Variants in STOX2 observed in about 807,000 individuals in gnomAD.
STOX2 encodes storkhead box 2.
In STOX2, 28 loss-of-function variants were observed where a neutral mutation model predicts 60.9. The observed-to-expected ratio is 0.46, with a 90% CI of 0.34 to 0.63. The LOEUF is 0.63. STOX2 is among the 30% of genes least tolerant of loss of function. The pLI is 0.01. For synonymous variants in STOX2, 472 were observed against 463.9 expected (o/e 1.02, Z -0.22); for missense variants, 1,024 against 1,187.7 (o/e 0.86, Z 2.03).
Position 183,939,997 on chromosome 4 carries a change from G to C in STOX2, c.166+33041G>C, listed in dbSNP as rs182205756. ...CAGCTCACTGCAGCCTCCGCCTCCC[G>C]GGTTCAAGTGATTCTTCTGCCTCAG... is the stretch of plus-strand genomic sequence containing the variant. On this transcript the variant is annotated intron_variant, in intron 1 of 3. Coordinates refer to ENST00000308497, the MANE Select transcript of STOX2 (RefSeq NM_020225.3). Among the ~76,000 whole-genome samples the C allele has an allele frequency of 2.0e-3, 310 of 152,262 alleles. 1 individual carries two copies. Among genetic ancestry groups the C allele is most frequent in the African/African-American group, 7.0e-3 (290 of 41,552 alleles).
intron 1 of STOX2, among the ~76,000 whole-genome samples, chr4:183,958,755 T>A (rs1743330377): frequency 6.6e-6 from 1 of 152,212 alleles, no homozygotes. Context: ...GCTCATGATG[T>A]CTGCCTCGGT....
intron 3 of STOX2, 49 bp from the exon 4 acceptor site, chr4:184,017,040 A>C: frequency 6.8e-7 from 1 of 1,468,284 alleles, no homozygotes; most frequent in Non-Finnish European, 9.1e-7. Context: ...TCAATTTATA[A>C]TTATTTATGT....
chr4:183,925,539 A>G (rs1742216808), intron 1 of STOX2, among the ~76,000 whole-genome samples: 1 of 152,172 alleles, frequency 6.6e-6, no homozygotes, highest in Admixed American at 6.5e-5. Context: ...GGAGTCTATT[A>G]TCATGAAGAA....
At chr4:183,937,519 C>T (rs906767072) in intron 1 of STOX2, among the ~76,000 whole-genome samples, 1 of 152,136 alleles carries the variant, frequency 6.6e-6, no homozygotes, top group Non-Finnish European at 1.5e-5. Context: ...GTGGGGTCGG[C>T]AGACAGGTCC....
chr4:183,931,252 C>T (rs1046102548), intron 1 of STOX2, among the ~76,000 whole-genome samples: 2 of 152,220 alleles, frequency 1.3e-5, no homozygotes, highest in Non-Finnish European at 1.5e-5. Context: ...GGTGAAACCC[C>T]GTCTTTACTA....
At chr4:183,819,194 G>A (rs867934079) in intron 1 of STOX2, among the ~76,000 whole-genome samples, 14 of 152,164 alleles carry the variant, frequency 9.2e-5, no homozygotes, top group African/African-American at 2.9e-4. Flanking sequence ...CAAGGCAGGG[G>A]GCTGGGAGGT....
intron 1 of STOX2, among the ~76,000 whole-genome samples, chr4:183,858,494 C>T (rs1024094906): frequency 3.3e-5 from 5 of 152,058 alleles, no homozygotes; most frequent in South Asian, 2.1e-4. Flanking sequence ...TGCACTGTTT[C>T]GTATTTATAG....
intron 1 of STOX2, among the ~76,000 whole-genome samples, chr4:183,949,148 C>T (rs1256675075): frequency 1.3e-5 from 2 of 151,916 alleles, no homozygotes; most frequent in African/African-American, 2.4e-5. Context: ...AAGCAGTGTT[C>T]ACAACCACTA....
rs371538115 is a variant in STOX2 at position 184,010,926 on chromosome 4, G to T, written c.2088G>T (p.Glu696Asp). The T allele has an allele frequency of 1.2e-6, 2 of 1,613,464 alleles. No individual in the cohort carries two copies. The highest frequency in any genetic ancestry group is 2.2e-5 in the South Asian group (2 of 90,976). ...AEPSSLDKRKEIFSKDTLFKP... is the reference protein window; with the variant it reads ...AEPSSLDKRKDIFSKDTLFKP... Reference sequence around the variant, plus strand: ...CCAGCAGCTTGGACAAGAGGAAAGAGATATTTAGCAAAGACACACTGTTCA... The same window carrying T: ...CCAGCAGCTTGGACAAGAGGAAAGATATATTTAGCAAAGACACACTGTTCA... The change falls in exon 3 of 4, where the codon GAG becomes GAT. Residue 696 changes from glutamate to aspartate, a missense_variant. Glu to Asp is a conservative substitution (Grantham distance 45). This residue lies in a region of STOX2 where 922 missense variants were observed against 1,058.3 expected (regional missense o/e 0.87). Transcript: ENST00000308497. The surrounding 1 kb of genome is among the most constrained non-coding windows in gnomAD (Gnocchi z 4.5).
At chr4:183,830,388 T>A (rs1739538652) in intron 1 of STOX2, among the ~76,000 whole-genome samples, 1 of 152,194 alleles carries the variant, frequency 6.6e-6, no homozygotes, top group Non-Finnish European at 1.5e-5. Context: ...ACTATGGGTG[T>A]TATCTTGTTT....
intron 1 of STOX2, among the ~76,000 whole-genome samples, chr4:183,995,582 G>A (rs1733305310): frequency 6.6e-6 from 1 of 152,154 alleles, no homozygotes; most frequent in Non-Finnish European, 1.5e-5. Flanking sequence ...CCAAGAGCAG[G>A]TTGGCGTCTG....
chr4:184,012,318 G>A (rs918107063), intron 3 of STOX2, among the ~76,000 whole-genome samples: 3 of 152,188 alleles, frequency 2.0e-5, no homozygotes, highest in Admixed American at 1.3e-4. Flanking sequence ...CCAGATTGGT[G>A]ACTCTGAGAT....
At chr4:183,984,834 T>C (rs552121930) in intron 1 of STOX2, among the ~76,000 whole-genome samples, 14 of 152,208 alleles carry the variant, frequency 9.2e-5, no homozygotes, top group Non-Finnish European at 1.8e-4. Context: ...GAAGCTGTTA[T>C]CCAAAGATGT....
chr4:183,954,375 G>A (rs983092459), intron 1 of STOX2, among the ~76,000 whole-genome samples: 3 of 151,902 alleles, frequency 2.0e-5, no homozygotes, highest in South Asian at 2.1e-4. Context: ...TGCAACCTCC[G>A]CTTCCCAGGT....
intron 1 of STOX2, among the ~76,000 whole-genome samples, chr4:183,955,110 G>T (rs1743210417): frequency 6.6e-6 from 1 of 152,138 alleles, no homozygotes; most frequent in South Asian, 2.1e-4. Flanking sequence ...CTTTATCTTG[G>T]TTTATTACTT....
intron 1 of STOX2, among the ~76,000 whole-genome samples, chr4:183,837,968 A>AT (rs2111127536): frequency 6.6e-6 from 1 of 152,110 alleles, no homozygotes; most frequent in African/African-American, 2.4e-5. Context: ...TTTTAGGAAA[A>AT]TTTTACCTTG....
chr4:184,010,575 C>T lies in STOX2; in HGVS notation c.1737C>T (p.Pro579=), dbSNP rs368601107. The change falls in exon 3 of 4, where the codon CCC becomes CCT. Residue 579 remains proline, a synonymous_variant. Coordinates refer to ENST00000308497, the MANE Select transcript of STOX2 (RefSeq NM_020225.3). This position sits in a 1 kb window ranked among gnomAD's most constrained non-coding sequence, Gnocchi z 4.5. ...GCCTTTTGGAGCCAGGAAAACCACC[C>T]GAGAGTTTGCCATCCTATGGCGAAC... The part of the protein sequence containing the change: ...ACSLLEPGKP[P]ESLPSYGELN... 1.7e-5 allele frequency: 28 copies of T among 1,613,776 alleles called. No homozygotes were observed. The highest frequency in any genetic ancestry group is 1.5e-4 in the South Asian group (14 of 91,046).
intron 1 of STOX2, among the ~76,000 whole-genome samples, chr4:183,951,011 CG>C (rs1298444437): frequency 1.3e-5 from 2 of 151,844 alleles, no homozygotes; most frequent in South Asian, 2.1e-4. Flanking sequence ...GTCAGGAGAT[CG>C]AGACCATCCT....
intron 1 of STOX2, among the ~76,000 whole-genome samples, chr4:183,920,445 T>C (rs1164718152): frequency 1.3e-5 from 2 of 152,096 alleles, no homozygotes; most frequent in Non-Finnish European, 2.9e-5. Context: ...ACTGTTTCAT[T>C]CCCCCAGTGG....
Sources: gnomAD v4.1 joint callset for allele counts (sites outside exome capture counted in the v4.1 genomes callset) on GRCh38, gnomAD v4.1.1 for gene constraint, gnomAD v4.1.1 regional missense constraint, Gnocchi (gnomAD v3.1) non-coding constraint, MANE v1.5 for transcripts, NCBI Gene and HGNC (gene_info 2026-07-23, HGNC 2026-07-21) for gene names.